Variants in DAPP1 observed in about 807,000 individuals in gnomAD.
The protein encoded by DAPP1 is dual adapter for phosphotyrosine and 3-phosphotyrosine and 3-phosphoinositide.
In DAPP1, 20 loss-of-function variants were observed where a neutral mutation model predicts 41.5. That is an observed-to-expected ratio of 0.48 (90% CI 0.34 to 0.70). The LOEUF (loss-of-function observed/expected upper bound fraction) is 0.70, where lower values mean the gene tolerates loss of function less well. Ranked by LOEUF, DAPP1 falls within the 30% of genes least tolerant of loss-of-function variation. DAPP1 has a pLI of 0.01. For missense variants in DAPP1, 233 were observed against 333.4 expected (o/e 0.70, Z 2.35); for synonymous variants, 113 against 116.2 (o/e 0.97, Z 0.18).
At chr4:99,864,948 G>A (rs1724372274) in intron 7 of DAPP1, 1 of 152,148 alleles carries the variant, frequency 6.6e-6, no homozygotes, top group Non-Finnish European at 1.5e-5. Flanking sequence ...TTATTGCTTG[G>A]GGTTCTGTTA....
In DAPP1 at chr4:99,863,000, T is replaced by G; in HGVS notation, c.538-10T>G. On this transcript the variant is annotated splice_polypyrimidine_tract_variant and intron_variant, in intron 5 of 8. Transcript: ENST00000512369. ...GTCTGTGTGTTTGTGTGTGTGTGTG[T>G]TTTTCTCAGACCTGGAAAACAAGAT... The G allele has an allele frequency of 6.3e-7, 1 of 1,584,920 alleles. No homozygotes were observed. The highest frequency in any genetic ancestry group is 8.6e-7 in the Non-Finnish European group (1 of 1,169,290).
chr4:99,836,626 T>C (rs1317500455), intron 2 of DAPP1, among the ~76,000 whole-genome samples: 1 of 152,210 alleles, frequency 6.6e-6, no homozygotes, highest in Non-Finnish European at 1.5e-5. Context: ...CTCAAGCTAA[T>C]CTGGCCTCAG....
rs1456653766 is a variant in DAPP1 at position 99,816,893 on chromosome 4, C to T, written c.-21C>T. Reference sequence around the variant, plus strand: ...GAGCAGCCCAGTTGTGTCTCTCTCTCTACCTCTGTGAAGGGCGCGAATGGG... The same window carrying T: ...GAGCAGCCCAGTTGTGTCTCTCTCTTTACCTCTGTGAAGGGCGCGAATGGG... On this transcript the variant is annotated 5_prime_UTR_variant, in exon 1 of 9. Coordinates refer to ENST00000512369, the MANE Select transcript of DAPP1 (RefSeq NM_014395.3). 1.4e-5 allele frequency: 22 copies of T among 1,591,750 alleles called. No individual in the cohort carries two copies. The highest frequency in any genetic ancestry group is 1.9e-5 in the Non-Finnish European group (22 of 1,168,996).
At position 99,853,305 on chromosome 4, in the gene DAPP1, A is replaced by C; in HGVS notation, c.446A>C (p.Gln149Pro). The part of the protein sequence containing the change: ...YESVRVHTAM[Q>P]TGRTEDDLVP... ...TCTGTCCGGGTTCACACAGCAATGC[A>C]GACAGGAAGAACAGAAGATGACCTT... The change falls in exon 4 of 9, where the codon CAG becomes CCG. Residue 149 changes from glutamine (Q) to proline (P), a missense_variant. Transcript: ENST00000512369. 1 of 1,612,582 alleles carries C rather than the reference A, an allele frequency of 6.2e-7. No homozygotes were observed. The highest frequency in any genetic ancestry group is 8.5e-7 in the Non-Finnish European group (1 of 1,179,220).
intron 4 of DAPP1, among the ~76,000 whole-genome samples, chr4:99,855,948 A>G (rs1724030341): frequency 1.3e-5 from 2 of 152,212 alleles, no homozygotes; most frequent in Non-Finnish European, 1.5e-5. Flanking sequence ...AAGATGCCCC[A>G]CTGCCCAGAA....
chr4:99,841,761 C>T (rs759466064), intron 3 of DAPP1, among the ~76,000 whole-genome samples: 4 of 152,236 alleles, frequency 2.6e-5, no homozygotes, highest in East Asian at 1.9e-4. Context: ...ATTTCATATC[C>T]GCCAGGTCCT....
chr4:99,830,681 T>G (rs1410191690), intron 1 of DAPP1, among the ~76,000 whole-genome samples: 1 of 152,146 alleles, frequency 6.6e-6, no homozygotes, highest in African/African-American at 2.4e-5. Flanking sequence ...GCTGCTGCTA[T>G]TCCCTCCCAT....
At chr4:99,853,100 G>A (rs754321834) in intron 3 of DAPP1, 118 bp from the exon 4 acceptor site, 2 of 1,134,122 alleles carry the variant, frequency 1.8e-6, no homozygotes, top group African/African-American at 3.1e-5. Flanking sequence ...GAGATAATGA[G>A]CGAGGGAATA....
rs113252872 is a variant in DAPP1 at position 99,848,283 on chromosome 4, A to T, written c.359-4935A>T. Among the ~76,000 whole-genome samples, 144 of 149,472 alleles carry T rather than the reference A, an allele frequency of 9.6e-4. 3 individuals carry two copies. In the East Asian group the frequency reaches 0.024, roughly 25 times the overall value. The stretch of plus-strand genomic sequence containing the variant: ...CACTCTGTTGCCCAGGCTGGAGTGC[A>T]GTGGCACGATCTCGGCTCACTGCAA... On this transcript the variant is annotated intron_variant, in intron 3 of 8. Transcript: ENST00000512369.
At chr4:99,821,029 T>C (rs545492252) in intron 1 of DAPP1, among the ~76,000 whole-genome samples, 1 of 152,316 alleles carries the variant, frequency 6.6e-6, no homozygotes, top group South Asian at 2.1e-4. Flanking sequence ...AGGCATTTTG[T>C]AGACACCAGC....
chr4:99,860,684 A>T (rs1724206930), intron 4 of DAPP1, among the ~76,000 whole-genome samples: 1 of 152,216 alleles, frequency 6.6e-6, no homozygotes, highest in Non-Finnish European at 1.5e-5. Flanking sequence ...TATTCTGGAA[A>T]TTACCATAGA....
intron 2 of DAPP1, among the ~76,000 whole-genome samples, 153 bp downstream of exon 2, chr4:99,835,898 A>T (rs889880567): frequency 6.6e-6 from 1 of 152,208 alleles, no homozygotes; most frequent in African/African-American, 2.4e-5. Context: ...AGGGTGTAAA[A>T]CAACATTCCT....
intron 2 of DAPP1, among the ~76,000 whole-genome samples, 196 bp from the exon 3 acceptor site, chr4:99,840,093 T>G (rs1723445405): frequency 1.3e-5 from 2 of 152,064 alleles, no homozygotes; most frequent in Non-Finnish European, 2.9e-5. Flanking sequence ...AATTAATTAA[T>G]TAATAAAAGT....
downstream of DAPP1, among the ~76,000 whole-genome samples, chr4:99,871,443 CTG>C (rs746849289): frequency 1.3e-5 from 2 of 151,732 alleles, no homozygotes; most frequent in Non-Finnish European, 2.9e-5. Context: ...CTATCACAGA[CTG>C]AGATTTCATA....
At chr4:99,819,808 G>A (rs1006790865) in intron 1 of DAPP1, among the ~76,000 whole-genome samples, 2 of 151,978 alleles carry the variant, frequency 1.3e-5, no homozygotes, top group African/African-American at 4.8e-5. Flanking sequence ...AATAGCAGAA[G>A]TCTTTGTTCT....
intron 3 of DAPP1, among the ~76,000 whole-genome samples, chr4:99,843,822 T>G (rs951825698): frequency 8.5e-5 from 13 of 152,258 alleles, no homozygotes; most frequent in African/African-American, 3.1e-4. Context: ...CTTCCTGCTA[T>G]GTCCCAGGAC....
chr4:99,854,023 A>G (rs566877053), intron 4 of DAPP1, among the ~76,000 whole-genome samples: 126 of 152,322 alleles, frequency 8.3e-4, no homozygotes, highest in African/African-American at 2.9e-3. Flanking sequence ...TCAACTATCT[A>G]TGGAAGACAA....
chr4:99,837,669 C>T (rs1232683922), intron 2 of DAPP1, among the ~76,000 whole-genome samples: 3 of 152,094 alleles, frequency 2.0e-5, no homozygotes, highest in African/African-American at 7.2e-5. Flanking sequence ...TTTTTGGCAC[C>T]AGGGACAATT....
At chr4:99,849,632 T>C (rs140000556) in intron 3 of DAPP1, among the ~76,000 whole-genome samples, 2 of 152,282 alleles carry the variant, frequency 1.3e-5, no homozygotes, top group Middle Eastern at 3.4e-3. Flanking sequence ...CAGGGACTGA[T>C]ACTGTGGTAG....
Sources: gnomAD v4.1 joint callset for allele counts (sites outside exome capture counted in the v4.1 genomes callset) on GRCh38, gnomAD v4.1.1 for gene constraint, MANE v1.5 for transcripts, NCBI Gene and HGNC (gene_info 2026-07-23, HGNC 2026-07-21) for gene names.